Variants in ARMC8 observed in about 807,000 individuals in gnomAD.
The protein encoded by ARMC8 is armadillo repeat containing 8, also known as armadillo repeat-containing protein 8.
Under a neutral mutation model 99.3 loss-of-function variants are expected in ARMC8, and 20 were observed. That is an observed-to-expected ratio of 0.20 (90% CI 0.14 to 0.29). ARMC8 has a LOEUF of 0.29. Ranked by LOEUF, ARMC8 falls within the 10% of genes least tolerant of loss-of-function variation. The probability of loss-of-function intolerance (pLI) is 1.00; values close to 1 mark genes in which losing one functional copy is unlikely to be tolerated. For missense variants in ARMC8, 569 were observed against 809.5 expected, an observed-to-expected ratio of 0.70 and a Z score of 3.60; for synonymous variants, 263 against 278.3, an observed-to-expected ratio of 0.95 and a Z score of 0.55.
intron 12 of ARMC8, among the ~76,000 whole-genome samples, chr3:138,259,965 G>A (rs187112754): frequency 2.0e-4 from 31 of 152,258 alleles, no homozygotes; most frequent in Admixed American, 2.0e-3. Context: ...TTCCCAAGGT[G>A]TTCTTTCTAC....
chr3:138,276,207 C>A (rs1390324582), intron 18 of ARMC8, among the ~76,000 whole-genome samples: 2 of 152,148 alleles, frequency 1.3e-5, no homozygotes, highest in African/African-American at 4.8e-5. Flanking sequence ...GCTAAACAGT[C>A]GGCTCACTAG....
intron 12 of ARMC8, among the ~76,000 whole-genome samples, chr3:138,259,666 G>T (rs1163380517): frequency 6.6e-6 from 1 of 152,066 alleles, no homozygotes; most frequent in Non-Finnish European, 1.5e-5. Flanking sequence ...ATCTAAGAAG[G>T]GTCAACTTGT....
At chr3:138,218,503 A>G (rs1055866411) in intron 2 of ARMC8, among the ~76,000 whole-genome samples, 5 of 152,078 alleles carry the variant, frequency 3.3e-5, no homozygotes, top group Non-Finnish European at 7.4e-5. Context: ...ATGGTCTTGT[A>G]TGAACGATTT....
chr3:138,264,052 A>G (rs1162863583), intron 13 of ARMC8, 79 bp from the exon 14 acceptor site: 4 of 1,327,246 alleles, frequency 3.0e-6, no homozygotes, highest in Non-Finnish European at 4.3e-6. Context: ...TACATTAGTC[A>G]TTGTAAAATG....
At chr3:138,261,697 G>A (rs1296928728) in intron 12 of ARMC8, 1 of 152,164 alleles carries the variant, frequency 6.6e-6, no homozygotes, top group Non-Finnish European at 1.5e-5. Flanking sequence ...CTTTTAAACA[G>A]GATTGAAAAT....
intron 7 of ARMC8, among the ~76,000 whole-genome samples, 174 bp downstream of exon 7, chr3:138,235,288 G>A (rs1576711812): frequency 6.7e-6 from 1 of 149,284 alleles, no homozygotes; most frequent in South Asian, 2.1e-4. Context: ...AAAAAAAAAA[G>A]CTGCCCTTGC....
intron 1 of ARMC8, among the ~76,000 whole-genome samples, chr3:138,208,342 T>C (rs889219839): frequency 6.6e-6 from 1 of 152,124 alleles, no homozygotes; most frequent in Non-Finnish European, 1.5e-5. Flanking sequence ...GGTGCGCGCC[T>C]GTAATCCCAG....
chr3:138,212,274 G>C (rs2044737208), intron 2 of ARMC8, among the ~76,000 whole-genome samples: 1 of 151,240 alleles, frequency 6.6e-6, no homozygotes, highest in Non-Finnish European at 1.5e-5. Context: ...AATGAAAAGT[G>C]GATTACTTTC....
intron 1 of ARMC8, among the ~76,000 whole-genome samples, chr3:138,203,604 A>G (rs2044197621): frequency 6.6e-6 from 1 of 152,214 alleles, no homozygotes; most frequent in Non-Finnish European, 1.5e-5. Context: ...AGTTTCTGAA[A>G]TGGCATCTTA....
At chr3:138,243,482 G>T (rs2108183986) in intron 11 of ARMC8, among the ~76,000 whole-genome samples, 1 of 152,214 alleles carries the variant, frequency 6.6e-6, no homozygotes, top group East Asian at 1.9e-4. Context: ...CTTAATTTAT[G>T]ACTAGAATGT....
In ARMC8 at chr3:138,241,899, T is replaced by C; in HGVS notation, c.954T>C (p.Ala318=). The change falls in exon 11 of 22, where the codon GCT becomes GCC. Residue 318 remains alanine, a synonymous_variant. Transcript: ENST00000469044. ...CAGATGTTGAGCTACAGAGAATCGC[T>C]AGCATAACTGATCACCTCATTGCCA... ...IEPDVELQRI[A]SITDHLIAML... 1 of 1,614,118 alleles carries C rather than the reference T, an allele frequency of 6.2e-7. No homozygotes were observed. Among genetic ancestry groups the C allele is most frequent in the Non-Finnish European group, 8.5e-7 (1 of 1,179,978 alleles).
chr3:138,244,699 C>T (rs1333172381), intron 11 of ARMC8, among the ~76,000 whole-genome samples: 1 of 152,238 alleles, frequency 6.6e-6, no homozygotes, highest in East Asian at 1.9e-4. Flanking sequence ...TAGTCTGGGG[C>T]TAGAGAAGTC....
In ARMC8 at chr3:138,258,767, C is replaced by T. The variant is rs1002027700; in HGVS notation, c.1135-4972C>T. ...CAATACCTGATCCATTGACCTAAAG[C>T]GGTCAGTTGAGGATGCAACATTTTT... On this transcript the variant is annotated intron_variant, in intron 12 of 21. Transcript: ENST00000469044. 5.3e-5 allele frequency among the ~76,000 whole-genome samples: 8 copies of T among 152,252 alleles called. No homozygotes were observed. In the East Asian group the frequency reaches 5.8e-4, roughly 11 times the overall value.
chr3:138,295,980 A>C lies in ARMC8; in HGVS notation c.*88A>C. On this transcript the variant is annotated 3_prime_UTR_variant, in exon 22 of 22. Coordinates refer to ENST00000469044, the MANE Select transcript of ARMC8 (RefSeq NM_001363941.2). ...GCCTCATTTGATTCCTTCTATTTGC[A>C]CAAGTCACCTTGGACTGCAGGGAGC... The C allele has an allele frequency of 6.9e-7, 1 of 1,447,768 alleles. No homozygotes were observed. The highest frequency in any genetic ancestry group is 9.5e-7 in the Non-Finnish European group (1 of 1,049,308). The allele number at this position is 1,447,768 out of a possible 1,614,324, so 89.7% of individuals were successfully genotyped here. A position where few individuals can be genotyped will look rare whatever the true frequency, so the allele number is the denominator to read the frequency against.
chr3:138,253,270 T>C (rs556473741), intron 12 of ARMC8, among the ~76,000 whole-genome samples: 2 of 152,300 alleles, frequency 1.3e-5, no homozygotes, highest in African/African-American at 4.8e-5. Context: ...CTACCATTTG[T>C]TGAGCACTCA....
intron 19 of ARMC8, among the ~76,000 whole-genome samples, chr3:138,285,228 C>T (rs2050294141): frequency 6.6e-6 from 1 of 152,218 alleles, no homozygotes; most frequent in South Asian, 2.1e-4. Flanking sequence ...TTACCTGCCC[C>T]TCATTCTTTA....
chr3:138,285,695 AC>A (rs2050342174), intron 19 of ARMC8, among the ~76,000 whole-genome samples: 1 of 152,276 alleles, frequency 6.6e-6, no homozygotes, highest in African/African-American at 2.4e-5. Context: ...GGGTGTCTTT[AC>A]CACAGCGTAA....
At chr3:138,187,772 G>C (rs954509027) in intron 1 of ARMC8, 173 bp downstream of exon 1, 3 of 677,736 alleles carry the variant, frequency 4.4e-6, no homozygotes, top group Non-Finnish European at 4.8e-6. Context: ...GGGCAGAGGG[G>C]ACCGCGGCCG....
At chr3:138,280,110 G>T (rs1039586297) in intron 18 of ARMC8, among the ~76,000 whole-genome samples, 5 of 151,940 alleles carry the variant, frequency 3.3e-5, no homozygotes, top group African/African-American at 4.8e-5. Context: ...CACCATGTTG[G>T]CCAGGCTGGG....
Sources: allele counts gnomAD v4.1 joint callset (sites outside exome capture counted in the v4.1 genomes callset), GRCh38; gene constraint gnomAD v4.1.1; transcripts MANE v1.5; gene names NCBI Gene and HGNC (gene_info 2026-07-23, HGNC 2026-07-21).